The following EPM2A variants were observed in gnomAD, a reference collection of about 807,000 sequenced individuals.
EPM2A encodes the protein laforin.
In EPM2A, 21 loss-of-function variants were observed where a neutral mutation model predicts 26.5. That is an observed-to-expected ratio of 0.79 (90% CI 0.56 to 1.14). The LOEUF is 1.14. EPM2A is among the 50% of genes most tolerant of loss of function. The probability of loss-of-function intolerance (pLI) is 0.00; values close to 1 mark genes in which losing one functional copy is unlikely to be tolerated. For synonymous variants in EPM2A, 217 were observed against 177.6 expected, an observed-to-expected ratio of 1.22 and a Z score of -1.76; for missense variants, 458 against 440.8, an observed-to-expected ratio of 1.04 and a Z score of -0.35.
At chr6:145,533,122 C>A (rs1037608429) in intron 2 of EPM2A, among the ~76,000 whole-genome samples, 4 of 151,934 alleles carry the variant, frequency 2.6e-5, no homozygotes, top group South Asian at 4.2e-4. Flanking sequence ...CAAAACACAA[C>A]AAAAAAATAC....
intron 2 of EPM2A, among the ~76,000 whole-genome samples, chr6:145,518,618 A>AC (rs1562366867): frequency 2.1e-5 from 3 of 144,298 alleles, no homozygotes; most frequent in Non-Finnish European, 3.0e-5. Context: ...AAAAAAAAAA[A>AC]AAAAACAAAG....
intron 1 of EPM2A, among the ~76,000 whole-genome samples, chr6:145,696,927 C>CA: frequency 6.6e-6 from 1 of 151,854 alleles, no homozygotes; most frequent in South Asian, 2.1e-4. Context: ...CCTTTCTGTA[C>CA]ATCTGTATAT....
chr6:145,470,482 C>G (rs1379727242), intron 4 of EPM2A, among the ~76,000 whole-genome samples: 2 of 152,076 alleles, frequency 1.3e-5, no homozygotes, highest in Admixed American at 1.3e-4. Flanking sequence ...ATATGCACTG[C>G]TTTTTAATAT....
At chr6:145,476,688 C>T (rs563356178) in intron 4 of EPM2A, among the ~76,000 whole-genome samples, 1 of 151,922 alleles carries the variant, frequency 6.6e-6, no homozygotes, top group Non-Finnish European at 1.5e-5. Context: ...AAATATTATG[C>T]TCCTGAATGA....
chr6:145,667,585 C>T (rs1779304202), intron 2 of EPM2A, among the ~76,000 whole-genome samples: 1 of 151,448 alleles, frequency 6.6e-6, no homozygotes, highest in Non-Finnish European at 1.5e-5. Flanking sequence ...ACTAGTTCAA[C>T]CCTTGTGGAA....
intron 4 of EPM2A, among the ~76,000 whole-genome samples, chr6:145,484,277 C>A (rs56931754): frequency 0.039 from 5,889 of 152,044 alleles, 168 homozygotes; most frequent in African/African-American, 0.074. Context: ...AATATACTGA[C>A]CCCTGTCAAA....
intron 1 of EPM2A, among the ~76,000 whole-genome samples, chr6:145,728,736 A>G (rs1315304017): frequency 6.6e-6 from 1 of 152,226 alleles, no homozygotes; most frequent in Non-Finnish European, 1.5e-5. Context: ...CATGTGGTAG[A>G]AAAGAAAAAC....
chr6:145,494,657 G>A (rs1779795250), intron 4 of EPM2A, among the ~76,000 whole-genome samples: 1 of 152,140 alleles, frequency 6.6e-6, no homozygotes, highest in Admixed American at 6.5e-5. Context: ...CTGCCTTAGT[G>A]TGTCCCAGAG....
At chr6:145,587,030 A>G (rs1781204687) in intron 2 of EPM2A, among the ~76,000 whole-genome samples, 1 of 152,154 alleles carries the variant, frequency 6.6e-6, no homozygotes, top group South Asian at 2.1e-4. Context: ...CCTCATTGAA[A>G]TGTTTGAAAC....
At chr6:145,484,102 T>C (rs1204788639) in intron 4 of EPM2A, among the ~76,000 whole-genome samples, 3 of 152,128 alleles carry the variant, frequency 2.0e-5, no homozygotes, top group African/African-American at 7.2e-5. Flanking sequence ...CAGAGTATCA[T>C]GTCCCTGATC....
chr6:145,511,794 T>C (rs1476255055), intron 2 of EPM2A, among the ~76,000 whole-genome samples: 1 of 152,160 alleles, frequency 6.6e-6, no homozygotes, highest in Non-Finnish European at 1.5e-5. Flanking sequence ...ATAAAAGGCA[T>C]TCAGATTGGG....
intron 4 of EPM2A, among the ~76,000 whole-genome samples, chr6:145,409,947 C>T (rs1778621800): frequency 6.6e-6 from 1 of 152,104 alleles, no homozygotes; most frequent in African/African-American, 2.4e-5. Context: ...AGTGAGAGAC[C>T]AAGGTGACAG....
chr6:145,491,959 A>C, intron 4 of EPM2A: 1 of 455,564 alleles, frequency 2.2e-6, no homozygotes, highest in Middle Eastern at 5.2e-4. Flanking sequence ...GTGAGCCTTA[A>C]AATGGTGTCT....
At chr6:145,460,779 G>A (rs1239199534) in intron 4 of EPM2A, among the ~76,000 whole-genome samples, 1 of 152,012 alleles carries the variant, frequency 6.6e-6, no homozygotes, top group East Asian at 1.9e-4. Flanking sequence ...TATAAAATCA[G>A]CTAAAAATTT....
intron 2 of EPM2A, among the ~76,000 whole-genome samples, chr6:145,510,109 A>G (rs527546495): frequency 6.6e-6 from 1 of 152,252 alleles, no homozygotes; most frequent in Admixed American, 6.5e-5. Flanking sequence ...ACCTAAAAAA[A>G]AAAAGACTTA....
chr6:145,545,381 G>A (rs376619365), intron 2 of EPM2A, among the ~76,000 whole-genome samples: 9 of 152,170 alleles, frequency 5.9e-5, no homozygotes, highest in Non-Finnish European at 1.0e-4. Flanking sequence ...TAAAGCCTCC[G>A]CTCATGTCAC....
At position 145,512,710 on chromosome 6, in the gene EPM2A, CAAAAAAAAA is replaced by C. The variant is rs58668403; in HGVS notation, c.341-10144_341-10136del. Among the ~76,000 whole-genome samples the C allele has an allele frequency of 2.7e-4, 6 of 22,540 alleles. 1 individual carries two copies. Among genetic ancestry groups the C allele is most frequent in the East Asian group, 2.1e-3 (2 of 966 alleles). The allele number at this position is 22,540 out of a possible 152,430, so 14.8% of individuals were successfully genotyped here. ...CGGGCAACAGAGCGAGACTCCATCT[CAAAAAAAAA>C]AAAAAAAAAAAAAAAAAAAGATAGA... On this transcript the variant is annotated intron_variant, in intron 2 of 3. Transcript: ENST00000450221.
intron 3 of EPM2A, chr6:145,631,007 C>G (rs895819563): frequency 6.6e-6 from 1 of 152,224 alleles, no homozygotes; most frequent in South Asian, 2.1e-4. Context: ...TATTTGTTGG[C>G]CCCCATCTTG....
intron 2 of EPM2A, among the ~76,000 whole-genome samples, chr6:145,576,661 T>C (rs958567225): frequency 1.3e-4 from 20 of 152,088 alleles, no homozygotes; most frequent in African/African-American, 4.8e-4. Context: ...AGGCCTTCAA[T>C]ATGAAAGGAT....
Sources: gnomAD v4.1 joint callset for allele counts (sites outside exome capture counted in the v4.1 genomes callset) on GRCh38, gnomAD v4.1.1 for gene constraint, MANE v1.5 for transcripts, NCBI Gene and HGNC (gene_info 2026-07-23, HGNC 2026-07-21) for gene names.